The following KLRG1 variants were observed in gnomAD, a reference collection of about 807,000 sequenced individuals.
KLRG1 encodes killer cell lectin like receptor G1.
KLRG1 carries 16 observed loss-of-function variants against 21.8 expected under a neutral mutation model. The ratio of observed to expected loss-of-function variants is 0.73; its 90% CI spans 0.50 to 1.11. KLRG1 has a LOEUF of 1.11. Among genes scored for constraint, KLRG1 ranks in the 50% most tolerant of loss-of-function variants. The probability of loss-of-function intolerance (pLI) is 0.00; values close to 1 mark genes in which losing one functional copy is unlikely to be tolerated. For synonymous variants in KLRG1, 69 were observed against 75.9 expected (o/e 0.91, Z 0.47); for missense variants, 173 against 218.3 (o/e 0.79, Z 1.31).
the KLRG1 span, among the ~76,000 whole-genome samples, chr12:9,186,678 A>G: frequency 1.3e-5 from 2 of 152,186 alleles, no homozygotes; most frequent in Non-Finnish European, 2.9e-5. Flanking sequence ...GCCATAAAAA[A>G]GGATGAGTTC....
the KLRG1 span, among the ~76,000 whole-genome samples, chr12:9,176,051 A>G: frequency 1.3e-5 from 2 of 152,238 alleles, no homozygotes; most frequent in Non-Finnish European, 2.9e-5. Flanking sequence ...AAGACATGGA[A>G]TCAATCTAAA....
chr12:8,994,439 C>T (rs1404660624), intron 2 of KLRG1, among the ~76,000 whole-genome samples: 1 of 152,126 alleles, frequency 6.6e-6, no homozygotes, highest in African/African-American at 2.4e-5. Flanking sequence ...TTTAAAAGAG[C>T]TCGGTTAGGG....
the KLRG1 span, among the ~76,000 whole-genome samples, chr12:9,046,115 C>G: frequency 1.3e-5 from 2 of 152,084 alleles, no homozygotes; most frequent in Admixed American, 6.6e-5. Flanking sequence ...GTGCAGCAAA[C>G]CACCATGGCA....
At chr12:9,038,872 C>T in the KLRG1 span, among the ~76,000 whole-genome samples, 1 of 149,716 alleles carries the variant, frequency 6.7e-6, no homozygotes. Flanking sequence ...GGGCTGCACT[C>T]CAGCCTGGGC....
the KLRG1 span, among the ~76,000 whole-genome samples, chr12:9,140,237 A>G: frequency 1.3e-5 from 2 of 152,336 alleles, no homozygotes; most frequent in South Asian, 4.1e-4. Context: ...TAGGCAGGGT[A>G]AGAACATTAG....
chr12:9,058,569 A>G, the KLRG1 span: 5 of 152,222 alleles, frequency 3.3e-5, no homozygotes, highest in Middle Eastern at 3.2e-3. Context: ...TCATTTTAAT[A>G]TAAACAAATC....
chr12:9,206,983 A>G, the KLRG1 span, among the ~76,000 whole-genome samples: 1 of 152,306 alleles, frequency 6.6e-6, no homozygotes, highest in Non-Finnish European at 1.5e-5. Context: ...TGGAAGTAGT[A>G]GAGCCCACTG....
the KLRG1 span, among the ~76,000 whole-genome samples, chr12:9,161,599 A>G: frequency 6.6e-6 from 1 of 152,206 alleles, no homozygotes; most frequent in African/African-American, 2.4e-5. Context: ...AGCAATATTA[A>G]GACTTATAAC....
At chr12:9,074,706 C>G in the KLRG1 span, 2 of 1,613,984 alleles carry the variant, frequency 1.2e-6, no homozygotes, top group Non-Finnish European at 1.7e-6. Context: ...TCCACCTCAG[C>G]AGAGGGAGCC....
At chr12:9,139,799 G>A in the KLRG1 span, among the ~76,000 whole-genome samples, 1 of 152,152 alleles carries the variant, frequency 6.6e-6, no homozygotes, top group Non-Finnish European at 1.5e-5. Flanking sequence ...TGGCTCAACA[G>A]TGAAAGACAG....
the KLRG1 span, chr12:9,196,684 A>G: frequency 1.3e-6 from 2 of 1,596,776 alleles, no homozygotes; most frequent in East Asian, 2.2e-5. Flanking sequence ...ATTGCTGTTA[A>G]GCTGAGAAAA....
At chr12:9,058,636 C>T in the KLRG1 span, 1 of 152,348 alleles carries the variant, frequency 6.6e-6, no homozygotes, top group Non-Finnish European at 1.5e-5. Flanking sequence ...TCCCAGGAAG[C>T]TTGCGATGAG....
At chr12:9,169,828 A>G in the KLRG1 span, 2 of 361,950 alleles carry the variant, frequency 5.5e-6, no homozygotes, top group Non-Finnish European at 9.7e-6. Context: ...GTTATGAAGG[A>G]TTAATTAAAA....
At chr12:9,135,213 G>C in the KLRG1 span, 1 of 244,550 alleles carries the variant, frequency 4.1e-6, no homozygotes, top group Non-Finnish European at 8.5e-6. Flanking sequence ...ACTGCTGACA[G>C]AACATTATAA....
At chr12:9,187,254 C>T in the KLRG1 span, among the ~76,000 whole-genome samples, 2 of 152,066 alleles carry the variant, frequency 1.3e-5, no homozygotes, top group Non-Finnish European at 2.9e-5. Flanking sequence ...TGAGAAACTT[C>T]AACACTCCAC....
chr12:9,044,390 C>T, the KLRG1 span, among the ~76,000 whole-genome samples: 2 of 151,950 alleles, frequency 1.3e-5, no homozygotes, highest in Non-Finnish European at 2.9e-5. Flanking sequence ...ACAGGCTTGG[C>T]GTGGTGGCTC....
At chr12:8,980,816 G>A (rs1410680046) in intron 1 of KLRG1, among the ~76,000 whole-genome samples, 1 of 152,168 alleles carries the variant, frequency 6.6e-6, no homozygotes, top group Non-Finnish European at 1.5e-5. Flanking sequence ...GGCAGTTAAG[G>A]CTGTGGGTAT....
At chr12:9,199,450 A>G in the KLRG1 span, among the ~76,000 whole-genome samples, 1 of 152,156 alleles carries the variant, frequency 6.6e-6, no homozygotes, top group African/African-American at 2.4e-5. Flanking sequence ...TTATTAAACA[A>G]TTTGTTCTAC....
chr12:9,107,050 C>T, the KLRG1 span, among the ~76,000 whole-genome samples: 2 of 152,304 alleles, frequency 1.3e-5, no homozygotes, highest in African/African-American at 4.8e-5. Flanking sequence ...TTGAAATACA[C>T]AGTACATCTG....
Sources: allele counts gnomAD v4.1 joint callset (sites outside exome capture counted in the v4.1 genomes callset), GRCh38; gene constraint gnomAD v4.1.1; transcripts MANE v1.5; gene names NCBI Gene and HGNC (gene_info 2026-07-23, HGNC 2026-07-21).